CCNY: variants seen among roughly 807,000 people sequenced by gnomAD.
CCNY encodes cyclin Y, also known as cyclin-Y.
CCNY carries 19 observed loss-of-function variants against 42.8 expected under a neutral mutation model. That is an observed-to-expected ratio of 0.44 (90% CI 0.31 to 0.65). The LOEUF is 0.65. Ranked by LOEUF, CCNY falls within the 30% of genes least tolerant of loss-of-function variation. The probability of loss-of-function intolerance (pLI) is 0.07; values close to 1 mark genes in which losing one functional copy is unlikely to be tolerated. For synonymous variants in CCNY, 165 were observed against 162.7 expected (o/e 1.01, Z -0.11); for missense variants, 370 against 437.3 (o/e 0.85, Z 1.37).
At chr10:35,315,149 T>G (rs1345443348) in intron 3 of CCNY, 1 of 152,222 alleles carries the variant, frequency 6.6e-6, no homozygotes, top group African/African-American at 2.4e-5. Context: ...TGTGCAGGTT[T>G]GTTACACAGG....
intron 1 of CCNY, among the ~76,000 whole-genome samples, chr10:35,369,492 C>A (rs1195886302): frequency 6.6e-6 from 1 of 152,142 alleles, no homozygotes; most frequent in Non-Finnish European, 1.5e-5. Context: ...GAAGAAATTC[C>A]AGTCAACTTT....
intron 3 of CCNY, among the ~76,000 whole-genome samples, chr10:35,303,339 C>T (rs938520354): frequency 3.3e-5 from 5 of 151,638 alleles, no homozygotes; most frequent in African/African-American, 1.2e-4. Context: ...CACCATGACG[C>T]CTGGCTAATT....
At chr10:35,331,079 G>A (rs1835938356) in intron 3 of CCNY, among the ~76,000 whole-genome samples, 1 of 152,204 alleles carries the variant, frequency 6.6e-6, no homozygotes, top group South Asian at 2.1e-4. Context: ...TCTTTAGAGA[G>A]CTTTTCTGGA....
intron 2 of CCNY, among the ~76,000 whole-genome samples, chr10:35,497,476 G>A (rs151205518): frequency 0.013 from 2,007 of 152,244 alleles, 22 homozygotes; most frequent in Admixed American, 0.021. Context: ...GGTGGTTCAC[G>A]CCTGTAATCC....
intron 1 of CCNY, among the ~76,000 whole-genome samples, chr10:35,341,422 T>A (rs752944462): frequency 4.6e-5 from 7 of 152,238 alleles, no homozygotes; most frequent in Admixed American, 1.3e-4. Flanking sequence ...CACTCCTGTT[T>A]CTTTATTCCT....
chr10:35,332,857 G>T (rs895738843), upstream of CCNY, among the ~76,000 whole-genome samples: 10 of 152,148 alleles, frequency 6.6e-5, no homozygotes, highest in Non-Finnish European at 1.5e-4. Flanking sequence ...ACTCACCTCA[G>T]CCTCCCAAAC....
At chr10:35,537,441 A>G (rs1840909197) in intron 7 of CCNY, among the ~76,000 whole-genome samples, 1 of 152,216 alleles carries the variant, frequency 6.6e-6, no homozygotes, top group Non-Finnish European at 1.5e-5. Flanking sequence ...TAGATCCACC[A>G]GCAGCTTGCA....
At chr10:35,394,439 T>C (rs1837479672) in intron 1 of CCNY, among the ~76,000 whole-genome samples, 1 of 152,226 alleles carries the variant, frequency 6.6e-6, no homozygotes, top group Admixed American at 6.5e-5. Context: ...ATAAAAGCGT[T>C]CATTTGATTG....
intron 1 of CCNY, among the ~76,000 whole-genome samples, chr10:35,476,878 A>G (rs1839524243): frequency 6.6e-6 from 1 of 152,246 alleles, no homozygotes. Context: ...AACAAAATTG[A>G]TAGACCACTA....
chr10:35,485,640 G>A (rs1467314064), intron 2 of CCNY, among the ~76,000 whole-genome samples: 1 of 151,830 alleles, frequency 6.6e-6, no homozygotes, highest in East Asian at 1.9e-4. Context: ...CAGGAGAATG[G>A]CGTGAATCCG....
chr10:35,480,018 G>A lies in CCNY; in HGVS notation c.155-3386G>A, dbSNP rs113914164. ...CCTTTTTTTTTTTGTTCCCCAAGGA[G>A]GTAGAGTTCCCATGATAGAACACAT... On this transcript the variant is annotated intron_variant, in intron 1 of 9. Transcript: ENST00000374704. 3.4e-3 allele frequency among the ~76,000 whole-genome samples: 512 copies of A among 151,890 alleles called. 4 individuals are homozygous for A. Among genetic ancestry groups the A allele is most frequent in the African/African-American group, 0.012 (482 of 41,420 alleles).
At chr10:35,290,809 C>T (rs1038330863) in intron 3 of CCNY, among the ~76,000 whole-genome samples, 6 of 151,816 alleles carry the variant, frequency 4.0e-5, no homozygotes, top group Admixed American at 3.3e-4. Context: ...GAAAAAATAA[C>T]AACAACGAAA....
At chr10:35,556,930 C>T (rs924184751) in intron 8 of CCNY, among the ~76,000 whole-genome samples, 11 of 151,270 alleles carry the variant, frequency 7.3e-5, no homozygotes, top group Non-Finnish European at 4.4e-5. Flanking sequence ...ACTGCAACTT[C>T]GCTTCCCGGG....
chr10:35,368,623 G>A (rs1265339283), intron 1 of CCNY, among the ~76,000 whole-genome samples: 3 of 139,064 alleles, frequency 2.2e-5, no homozygotes, highest in East Asian at 3.9e-4. Flanking sequence ...CAGAGACACA[G>A]TGACTCCTCC....
chr10:35,366,292 C>G (rs1026033449), intron 1 of CCNY, among the ~76,000 whole-genome samples: 3 of 152,150 alleles, frequency 2.0e-5, no homozygotes, highest in African/African-American at 7.2e-5. Context: ...GAAACACCAG[C>G]ATGTGATTTG....
intron 3 of CCNY, among the ~76,000 whole-genome samples, chr10:35,262,241 A>G (rs185241199): frequency 4.4e-4 from 64 of 144,064 alleles, no homozygotes; most frequent in African/African-American, 1.5e-3. Context: ...CCACCTGGAC[A>G]ACAGAAACTC....
chr10:35,482,228 C>T (rs1318920483), intron 1 of CCNY, among the ~76,000 whole-genome samples: 2 of 152,128 alleles, frequency 1.3e-5, no homozygotes, highest in Non-Finnish European at 2.9e-5. Context: ...TTCACTTTAT[C>T]TTTGATTGAT....
intron 1 of CCNY, among the ~76,000 whole-genome samples, chr10:35,427,804 C>T (rs1012661364): frequency 6.6e-6 from 1 of 152,134 alleles, no homozygotes; most frequent in Non-Finnish European, 1.5e-5. Context: ...TAAACCTTCC[C>T]TGCAGGAAAG....
intron 1 of CCNY, among the ~76,000 whole-genome samples, chr10:35,396,474 C>T (rs1002468345): frequency 6.6e-6 from 1 of 152,208 alleles, no homozygotes; most frequent in African/African-American, 2.4e-5. Flanking sequence ...CTTCTTGGCC[C>T]TCCGTAATTG....
Sources: gnomAD v4.1 joint callset for allele counts (sites outside exome capture counted in the v4.1 genomes callset) on GRCh38, gnomAD v4.1.1 for gene constraint, MANE v1.5 for transcripts, NCBI Gene and HGNC (gene_info 2026-07-23, HGNC 2026-07-21) for gene names.